PLEKHA5: variants seen among roughly 807,000 people sequenced by gnomAD.
PLEKHA5 encodes the protein pleckstrin homology domain containing A5, also known as pleckstrin homology domain-containing family A member 5.
PLEKHA5 carries 55 observed loss-of-function variants against 181.9 expected under a neutral mutation model. That is an observed-to-expected ratio of 0.30 (90% CI 0.24 to 0.38). The LOEUF is 0.38. Ranked by LOEUF, PLEKHA5 falls within the 10% of genes least tolerant of loss-of-function variation. PLEKHA5 has a pLI of 1.00. For synonymous variants in PLEKHA5, 535 were observed against 529.4 expected, an observed-to-expected ratio of 1.01 and a Z score of -0.15; for missense variants, 1,432 against 1,549.5, an observed-to-expected ratio of 0.92 and a Z score of 1.27.
Position 19,348,420 on chromosome 12 carries a change from A to G in PLEKHA5, c.2920A>G (p.Lys974Glu). 1 of 1,586,572 alleles carries G rather than the reference A, an allele frequency of 6.3e-7. No individual in the cohort carries two copies. Among genetic ancestry groups the G allele is most frequent in the East Asian group, 2.3e-5 (1 of 44,136 alleles). ...CAAGGGTCCAGATTATAGACTCTAC[A>G]AGAGTGAACCAGAGTTAACAACAGT... The part of the protein sequence containing the change: ...SHCGPDYRLY[K>E]SEPELTTVAE... The change falls in exon 25 of 32, where the codon AAG becomes GAG. Residue 974 changes from lysine to glutamate, a missense_variant. By Grantham distance (56) the Lys-to-Glu change is moderately conservative (BLOSUM62 1). Coordinates refer to ENST00000429027, the MANE Select transcript of PLEKHA5 (RefSeq NM_001256470.2).
chr12:19,332,104 G>A (rs1168513677), intron 20 of PLEKHA5, among the ~76,000 whole-genome samples: 1 of 151,938 alleles, frequency 6.6e-6, no homozygotes, highest in Non-Finnish European at 1.5e-5. Context: ...GAGCAACATG[G>A]TGAAACCCCA....
At position 19,257,439 on chromosome 12, in the gene PLEKHA5, C is replaced by T; in HGVS notation, c.439C>T (p.Arg147Ter). Residue 147 changes from arginine (R) to a stop codon, truncating the protein, a stop_gained, in exon 6 of 32, where the codon CGA becomes TGA. Coordinates refer to ENST00000429027, the MANE Select transcript of PLEKHA5 (RefSeq NM_001256470.2). LOFTEE classifies it high-confidence loss of function. The stretch of plus-strand genomic sequence containing the variant: ...ATGCTCTTTTTCTATTTAGACTTCA[C>T]GAGCTTCAAAAAAAGTTCATAATTT... ...HPMSPVGRTSRASKKVHNFGK... is the reference protein window; with the variant it reads ...HPMSPVGRTS The T allele has an allele frequency of 6.5e-7, 1 of 1,545,100 alleles. No homozygotes were observed.
chr12:19,137,271 A>G (rs756986968), intron 3 of PLEKHA5, among the ~76,000 whole-genome samples: 1 of 152,166 alleles, frequency 6.6e-6, no homozygotes, highest in Non-Finnish European at 1.5e-5. Context: ...TCCTGACCTC[A>G]GGTGATCCGC....
intron 20 of PLEKHA5, among the ~76,000 whole-genome samples, chr12:19,326,810 C>T (rs1383108101): frequency 2.0e-5 from 3 of 152,204 alleles, no homozygotes; most frequent in Non-Finnish European, 1.5e-5. Context: ...TAAGTGAGAA[C>T]ATACGGTATT....
intron 15 of PLEKHA5, among the ~76,000 whole-genome samples, chr12:19,312,390 CAA>C (rs2086872413): frequency 6.6e-6 from 1 of 152,220 alleles, no homozygotes. Context: ...GATTCCCATA[CAA>C]GGCTATTTCG....
chr12:19,333,610 C>CTT (rs372554935), intron 20 of PLEKHA5, among the ~76,000 whole-genome samples: 2,071 of 129,050 alleles, frequency 0.016, 50 homozygotes, highest in Non-Finnish European at 0.021. Context: ...CATTCATTCT[C>CTT]TTTTTTTTTT....
At chr12:19,292,874 G>T (rs554606343) in intron 15 of PLEKHA5, among the ~76,000 whole-genome samples, 2 of 152,260 alleles carry the variant, frequency 1.3e-5, no homozygotes, top group Non-Finnish European at 2.9e-5. Flanking sequence ...TGGAGGCAGA[G>T]GTTGCAGTGA....
rs2083734041 is a variant in PLEKHA5, at chr12:19,306,562, C to A, written c.2038-8252C>A. ...GCAGCGCCGTGAGCAACACTACCAT[C>A]GTCCCCAGCACTGCGGATCCGGGCC... On this transcript the variant is annotated intron_variant, in intron 15 of 31. Coordinates refer to ENST00000429027, the MANE Select transcript of PLEKHA5 (RefSeq NM_001256470.2). The A allele has an allele frequency of 3.9e-6, 3 of 766,938 alleles. No homozygotes were observed. In the Admixed American group the frequency reaches 5.2e-5, roughly 13 times the overall value. 47.5% of individuals were successfully genotyped at this position (766,938 alleles called of 1,614,324 possible). A position where few individuals can be genotyped will look rare whatever the true frequency, so the allele number is the denominator to read the frequency against.
chr12:19,213,590 G>C (rs1638878245), intron 3 of PLEKHA5, among the ~76,000 whole-genome samples: 1 of 152,138 alleles, frequency 6.6e-6, no homozygotes, highest in Admixed American at 6.5e-5. Flanking sequence ...TTGCATATTA[G>C]AGAAACTTGC....
chr12:19,284,194 G>C (rs544665878), intron 12 of PLEKHA5, among the ~76,000 whole-genome samples: 1 of 151,820 alleles, frequency 6.6e-6, no homozygotes, highest in Non-Finnish European at 1.5e-5. Flanking sequence ...TCAGCCTCCC[G>C]AGTAGCTGGG....
intron 8 of PLEKHA5, 92 bp downstream of exon 8, chr12:19,265,942 T>TTA: frequency 1.7e-6 from 1 of 571,754 alleles, no homozygotes; most frequent in South Asian, 2.7e-5. Context: ...AAAAGCTACC[T>TTA]TATAGTGATT....
At chr12:19,280,904 T>C (rs75587038) in intron 11 of PLEKHA5, among the ~76,000 whole-genome samples, 20,094 of 151,682 alleles carry the variant, frequency 0.13, 1,541 homozygotes, top group Admixed American at 0.22. Flanking sequence ...AGAGACAGGG[T>C]TTCACCATGT....
chr12:19,340,188 G>T (rs2093746053), intron 21 of PLEKHA5, among the ~76,000 whole-genome samples: 1 of 152,096 alleles, frequency 6.6e-6, no homozygotes, highest in Non-Finnish European at 1.5e-5. Flanking sequence ...ATTTAGATTT[G>T]CAAGGAAGTT....
chr12:19,325,003 G>T (rs1417644018), intron 20 of PLEKHA5, among the ~76,000 whole-genome samples: 1 of 152,206 alleles, frequency 6.6e-6, no homozygotes, highest in Non-Finnish European at 1.5e-5. Flanking sequence ...TATCAACTGG[G>T]ATTAATAAAT....
chr12:19,346,990 T>G lies in PLEKHA5; in HGVS notation c.2710-4T>G, dbSNP rs1236113784. 1 of 1,541,898 alleles carries G rather than the reference T, an allele frequency of 6.5e-7. No individual in the cohort carries two copies. The highest frequency in any genetic ancestry group is 8.8e-7 in the Non-Finnish European group (1 of 1,140,476). ...AAATAAGGTGACTGTTCTACAATCT[T>G]TAGGAAGAGGAAGTAGTCCCACCTC... is the stretch of plus-strand genomic sequence containing the variant. On this transcript the variant is annotated splice_region_variant and splice_polypyrimidine_tract_variant and intron_variant, in intron 23 of 31. Coordinates refer to ENST00000429027, the MANE Select transcript of PLEKHA5 (RefSeq NM_001256470.2).
chr12:19,284,794 A>G (rs1038099949), intron 12 of PLEKHA5, among the ~76,000 whole-genome samples: 3 of 152,118 alleles, frequency 2.0e-5, no homozygotes, highest in Non-Finnish European at 2.9e-5. Context: ...TTGACCGGAC[A>G]TAGTGGCTCA....
intron 15 of PLEKHA5, among the ~76,000 whole-genome samples, chr12:19,298,050 A>G (rs146651401): frequency 9.7e-4 from 147 of 152,126 alleles, no homozygotes; most frequent in African/African-American, 3.4e-3. Flanking sequence ...CTAAAAATAC[A>G]AAAAATTAGC....
In PLEKHA5 at chr12:19,136,704, A is replaced by C. The variant is rs556702418; in HGVS notation, c.227+4254A>C. Among the ~76,000 whole-genome samples the C allele has an allele frequency of 3.3e-5, 5 of 152,354 alleles. No homozygotes were observed. The South Asian group carries it at 1.0e-3, about 32-fold the overall frequency. ...TTTAAAGGTCATTGCAGGACTGGGT[A>C]TCAAAACAATATTTGCGGGGGTAAA... On this transcript the variant is annotated intron_variant, in intron 3 of 31. Transcript: ENST00000429027.
intron 21 of PLEKHA5, among the ~76,000 whole-genome samples, chr12:19,339,253 C>A (rs1565635769): frequency 6.6e-6 from 1 of 152,056 alleles, no homozygotes; most frequent in Non-Finnish European, 1.5e-5. Context: ...GTTAGCCAGG[C>A]TGGTCTTGAA....
Sources: allele counts gnomAD v4.1 joint callset (sites outside exome capture counted in the v4.1 genomes callset), GRCh38; gene constraint gnomAD v4.1.1; transcripts MANE v1.5; gene names NCBI Gene and HGNC (gene_info 2026-07-23, HGNC 2026-07-21).